The following ATOSA variants were observed in gnomAD, a reference collection of about 807,000 sequenced individuals.
ATOSA encodes the protein atos homolog A.
the ATOSA span, chr15:52,609,176 G>A: frequency 6.2e-7 from 1 of 1,613,310 alleles, no homozygotes; most frequent in Non-Finnish European, 8.5e-7. Context: ...CTTGTTTGAT[G>A]TTTCAAAGAA....
chr15:52,688,936 A>G, the ATOSA span, among the ~76,000 whole-genome samples: 6 of 152,258 alleles, frequency 3.9e-5, no homozygotes, highest in Non-Finnish European at 7.3e-5. Flanking sequence ...GCCTGGGCCC[A>G]ACTGAACTCA....
At chr15:52,637,515 ACCT>A in the ATOSA span, among the ~76,000 whole-genome samples, 2 of 152,154 alleles carry the variant, frequency 1.3e-5, no homozygotes, top group African/African-American at 4.8e-5. Flanking sequence ...TATAAATTGT[ACCT>A]CCTAATAGCT....
At chr15:52,596,608 T>C in the ATOSA span, among the ~76,000 whole-genome samples, 1 of 152,174 alleles carries the variant, frequency 6.6e-6, no homozygotes, top group Non-Finnish European at 1.5e-5. Context: ...TATGGTAATA[T>C]ATGAAGACAT....
the ATOSA span, among the ~76,000 whole-genome samples, chr15:52,630,744 G>A: frequency 6.6e-6 from 1 of 152,130 alleles, no homozygotes; most frequent in African/African-American, 2.4e-5. Flanking sequence ...GTTCAAAGAA[G>A]CACTGTCTAT....
At chr15:52,698,108 C>T in the ATOSA span, among the ~76,000 whole-genome samples, 3 of 151,564 alleles carry the variant, frequency 2.0e-5, no homozygotes, top group African/African-American at 7.3e-5. Context: ...TCCCGAGTAG[C>T]TGGGACTACA....
chr15:52,608,094 T>C, the ATOSA span, among the ~76,000 whole-genome samples: 1 of 152,140 alleles, frequency 6.6e-6, no homozygotes, highest in Non-Finnish European at 1.5e-5. Context: ...CTCACTATGT[T>C]GCCCAGGCTA....
chr15:52,607,353 G>C, the ATOSA span, among the ~76,000 whole-genome samples: 1 of 152,142 alleles, frequency 6.6e-6, no homozygotes, highest in African/African-American at 2.4e-5. Flanking sequence ...ATTTCTGACT[G>C]TTTTTGCTCT....
At chr15:52,628,775 G>T in the ATOSA span, among the ~76,000 whole-genome samples, 1 of 151,534 alleles carries the variant, frequency 6.6e-6, no homozygotes, top group Non-Finnish European at 1.5e-5. Flanking sequence ...AATTTTAACT[G>T]AAGTGCCATG....
the ATOSA span, among the ~76,000 whole-genome samples, chr15:52,632,989 T>C: frequency 2.0e-5 from 3 of 152,202 alleles, no homozygotes; most frequent in Non-Finnish European, 4.4e-5. Context: ...CACTGTAGAA[T>C]TCAATTTTAC....
At chr15:52,709,342 C>T in the ATOSA span, among the ~76,000 whole-genome samples, 1 of 152,144 alleles carries the variant, frequency 6.6e-6, no homozygotes, top group Non-Finnish European at 1.5e-5. Context: ...ATTGCAAAAT[C>T]ATTGGCTTTA....
chr15:52,611,780 T>G, the ATOSA span: 2 of 1,613,030 alleles, frequency 1.2e-6, no homozygotes, highest in East Asian at 4.5e-5. Context: ...TGGCGGCACT[T>G]AGAGAAAATG....
chr15:52,587,294 T>A, the ATOSA span: 1 of 1,224,266 alleles, frequency 8.2e-7, no homozygotes, highest in East Asian at 2.4e-5. Flanking sequence ...GAATAACTCA[T>A]GTAATTTATT....
the ATOSA span, chr15:52,609,506 C>T: frequency 1.2e-6 from 2 of 1,613,900 alleles, no homozygotes. Flanking sequence ...GGATTAGTCT[C>T]TCCAACAGGC....
chr15:52,653,186 T>A, the ATOSA span, among the ~76,000 whole-genome samples: 1 of 152,144 alleles, frequency 6.6e-6, no homozygotes, highest in African/African-American at 2.4e-5. Flanking sequence ...TCTTTGTTTA[T>A]CTTGAGTGTC....
chr15:52,639,003 T>C, the ATOSA span, among the ~76,000 whole-genome samples: 1 of 149,736 alleles, frequency 6.7e-6, no homozygotes, highest in Admixed American at 6.7e-5. Flanking sequence ...AAAAAATTAC[T>C]GGAGAAAGTG....
chr15:52,640,249 A>G, the ATOSA span, among the ~76,000 whole-genome samples: 1 of 152,034 alleles, frequency 6.6e-6, no homozygotes. Context: ...TTTAAGACAT[A>G]TTACTCTTTT....
the ATOSA span, among the ~76,000 whole-genome samples, chr15:52,597,487 A>ATGAC: frequency 6.6e-6 from 1 of 152,222 alleles, no homozygotes; most frequent in African/African-American, 2.4e-5. Flanking sequence ...CTTAAAAACA[A>ATGAC]TGACACTCAC....
At chr15:52,674,178 CTAATA>C in the ATOSA span, among the ~76,000 whole-genome samples, 1 of 148,654 alleles carries the variant, frequency 6.7e-6, no homozygotes, top group Non-Finnish European at 1.5e-5. Context: ...AGAACATAAC[CTAATA>C]TGTTTTTAAT....
At chr15:52,662,340 C>G in the ATOSA span, among the ~76,000 whole-genome samples, 2 of 152,186 alleles carry the variant, frequency 1.3e-5, no homozygotes, top group Non-Finnish European at 2.9e-5. Context: ...AGAATTCAAA[C>G]TTCTGCCAGC....
Sources: allele counts gnomAD v4.1 joint callset (sites outside exome capture counted in the v4.1 genomes callset), GRCh38; gene constraint gnomAD v4.1.1; transcripts MANE v1.5; gene names NCBI Gene and HGNC (gene_info 2026-07-23, HGNC 2026-07-21).